The following HSPG2 variants were observed in gnomAD, a reference collection of about 807,000 sequenced individuals.
HSPG2 encodes heparan sulfate proteoglycan 2, also known as basement membrane-specific heparan sulfate proteoglycan core protein.
A neutral mutation model predicts 526.6 loss-of-function variants in HSPG2; 278 were observed. The ratio of observed to expected loss-of-function variants is 0.53; its 90% CI spans 0.48 to 0.58. The LOEUF is 0.58. Ranked by LOEUF, HSPG2 falls within the 20% of genes least tolerant of loss-of-function variation. HSPG2 has a pLI of 0.00. For missense variants in HSPG2, 5,354 were observed against 6,099.5 expected (o/e 0.88, Z 4.07); for synonymous variants, 2,465 against 2,555.4 (o/e 0.96, Z 1.07).
chr1:21,831,827 G>T (rs370921651), intron 81 of HSPG2, 31 bp from the exon 82 acceptor site: 12 of 1,575,396 alleles, frequency 7.6e-6, no homozygotes, highest in Non-Finnish European at 7.8e-6. Flanking sequence ...GGGCAGGAGA[G>T]AGTGGATAGG....
At chr1:21,844,110 G>T (rs1187299992) in intron 65 of HSPG2, 38 bp downstream of exon 65, 2 of 1,609,912 alleles carry the variant, frequency 1.2e-6, no homozygotes. Context: ...ACCACTGCAG[G>T]TGTGGAGGAT....
At chr1:21,878,547 C>T (rs373734274) in intron 19 of HSPG2, 30 bp downstream of exon 19, 4 of 1,613,946 alleles carry the variant, frequency 2.5e-6, no homozygotes, top group Non-Finnish European at 3.4e-6. Context: ...CAGGAGCCCC[C>T]TTCCTGCAGC....
intron 21 of HSPG2, 110 bp from the exon 22 acceptor site, chr1:21,876,762 T>C: frequency 2.7e-6 from 4 of 1,458,088 alleles, no homozygotes; most frequent in Non-Finnish European, 3.8e-6. Context: ...GGGGAGCCAC[T>C]GAAAGAGCAC....
intron 1 of HSPG2, among the ~76,000 whole-genome samples, chr1:21,916,065 GAA>G (rs1376890180): frequency 1.2e-5 from 1 of 81,632 alleles, no homozygotes; most frequent in South Asian, 4.4e-4. Context: ...AAGAAAAGAA[GAA>G]GAAGAAAAAA....
chr1:21,927,587 G>A (rs1644238540), intron 1 of HSPG2, among the ~76,000 whole-genome samples: 1 of 152,052 alleles, frequency 6.6e-6, no homozygotes, highest in Admixed American at 6.5e-5. Flanking sequence ...CTGCACCCAT[G>A]GGAGCCCCTG....
intron 1 of HSPG2, among the ~76,000 whole-genome samples, chr1:21,900,752 G>A (rs1425124276): frequency 6.6e-6 from 1 of 152,178 alleles, no homozygotes; most frequent in Non-Finnish European, 1.5e-5. Context: ...CAGCGCGGTG[G>A]TGCATGCCTA....
chr1:21,911,875 C>T (rs1643702094), intron 1 of HSPG2, among the ~76,000 whole-genome samples: 1 of 152,228 alleles, frequency 6.6e-6, no homozygotes, highest in Admixed American at 6.5e-5. Context: ...CCAGCCCACG[C>T]AGCTCTCTCT....
intron 80 of HSPG2, 91 bp from the exon 81 acceptor site, chr1:21,832,697 G>T: frequency 1.1e-6 from 1 of 921,370 alleles, no homozygotes; most frequent in Non-Finnish European, 1.8e-6. Flanking sequence ...TCTTGAGCCT[G>T]TCCACTCTCG....
chr1:21,930,055 C>T (rs1644308586), intron 1 of HSPG2, among the ~76,000 whole-genome samples: 1 of 152,148 alleles, frequency 6.6e-6, no homozygotes, highest in Admixed American at 6.5e-5. Flanking sequence ...CAAAGCTCTG[C>T]TGATCACCCT....
In HSPG2 at chr1:21,849,145, A is replaced by C. The variant is rs1638690368; in HGVS notation, c.7447-114T>G. ...AGCCCAGCCAGCTGGAACTCGATGG[A>C]AACTCTTCCAGGGAAAACCACCTTC... On this transcript the variant is annotated intron_variant, in intron 57 of 96. Transcript: ENST00000374695. 1.7e-5 allele frequency: 22 copies of C among 1,297,088 alleles called. No homozygotes were observed. The South Asian group carries it at 2.1e-4, about 12-fold the overall frequency. The allele number at this position is 1,297,088 out of a possible 1,614,324, so 80.3% of individuals were successfully genotyped here.
intron 96 of HSPG2, 47 bp from the exon 97 acceptor site, chr1:21,823,535 G>C: frequency 6.2e-7 from 1 of 1,608,978 alleles, no homozygotes; most frequent in East Asian, 2.2e-5. Context: ...AGCAGCCCAG[G>C]AGGCGAGGAA....
intron 1 of HSPG2, 126 bp from the exon 2 acceptor site, chr1:21,896,436 T>A: frequency 8.5e-7 from 1 of 1,182,038 alleles, no homozygotes; most frequent in Non-Finnish European, 1.2e-6. Context: ...AAATTTGACT[T>A]AGTATGGCTC....
Position 21,828,537 on chromosome 1 carries a change from C to A in HSPG2, c.12238-111G>T. On this transcript the variant is annotated intron_variant, in intron 88 of 96. Coordinates refer to ENST00000374695, the MANE Select transcript of HSPG2 (RefSeq NM_005529.7). This position sits in a 1 kb window ranked among gnomAD's most constrained non-coding sequence, Gnocchi z 6.0. Reference sequence around the variant, plus strand: ...GGGAGCTGGGAGCCCACATTGGGCCCTGAGTGGTAGCATGGATTCTCGGTG... The same window carrying A: ...GGGAGCTGGGAGCCCACATTGGGCCATGAGTGGTAGCATGGATTCTCGGTG... 1 of 1,179,146 alleles carries A rather than the reference C, an allele frequency of 8.5e-7. No individual in the cohort carries two copies. The highest frequency in any genetic ancestry group is 1.2e-6 in the Non-Finnish European group (1 of 818,400). The allele number at this position is 1,179,146 out of a possible 1,614,324, so 73.0% of individuals were successfully genotyped here.
At chr1:21,884,482 T>C (rs1201782409) in intron 13 of HSPG2, 46 bp downstream of exon 13, 16 of 1,609,856 alleles carry the variant, frequency 9.9e-6, no homozygotes, top group Non-Finnish European at 1.3e-5. Flanking sequence ...GGTACAGAGG[T>C]ACCCACCTCC....
rs1287800241 is a variant in HSPG2 at position 21,850,142 on chromosome 1, C to T, written c.7345G>A (p.Ala2449Thr). Residue 2449 changes from alanine to threonine, a missense_variant, in exon 57 of 97, where the codon GCC becomes ACC. Ala to Thr is a moderately conservative substitution (Grantham distance 58). Coordinates refer to ENST00000374695, the MANE Select transcript of HSPG2 (RefSeq NM_005529.7). ...TTCAGGTCCAGGGTCTGCCCCTCGG[C>T]CACTTGCGAAGACGATGACTCGATC... ...VRIESSSSQV[A>T]EGQTLDLNCL... is the part of the protein sequence containing the mutation. The T allele has an allele frequency of 6.2e-7, 1 of 1,613,404 alleles. No homozygotes were observed. Among genetic ancestry groups the T allele is most frequent in the South Asian group, 1.1e-5 (1 of 91,088 alleles).
rs755696363 is a variant in HSPG2, at chr1:21,823,445, G to A, written c.13047C>T (p.Ser4349=). ...DVATLTGGRF[S]SGITGCVKNL... ...TCTTGACACAGCCTGTGATGCCTGA[G>A]GAGAATCTGCCCCCGGTCAGCGTGG... is the stretch of plus-strand genomic sequence containing the variant. Residue 4349 remains serine, a synonymous_variant, in exon 97 of 97, where the codon TCC becomes TCT. Transcript: ENST00000374695. The A allele has an allele frequency of 1.9e-6, 3 of 1,593,580 alleles. No individual in the cohort carries two copies. The highest frequency in any genetic ancestry group is 1.7e-5 in the Admixed American group (1 of 58,506).
At position 21,864,184 on chromosome 1, in the gene HSPG2, C is replaced by A; in HGVS notation, c.4656G>T (p.Gly1552=). ...QDCAPGYTRT[G]SGLYLGHCEL... ...CGCAGTGGCCGAGGTAGAGCCCACT[C>A]CCGGTGCGCGTGTAGCCGGGGGCAC... The change falls in exon 37 of 97, where the codon GGG becomes GGT. Residue 1552 remains glycine (G), a synonymous_variant. Transcript: ENST00000374695. This position sits in a 1 kb window ranked among gnomAD's most constrained non-coding sequence, Gnocchi z 4.8. 1 of 1,553,820 alleles carries A rather than the reference C, an allele frequency of 6.4e-7. No homozygotes were observed. The highest frequency in any genetic ancestry group is 8.7e-7 in the Non-Finnish European group (1 of 1,148,564).
chr1:21,875,356 C>T, intron 25 of HSPG2: 1 of 603,148 alleles, frequency 1.7e-6, no homozygotes, highest in Non-Finnish European at 3.0e-6. Flanking sequence ...TAGACTTGAC[C>T]TGAAACCATA....
At position 21,879,045 on chromosome 1, in the gene HSPG2, G is replaced by A. The variant is rs1307282477; in HGVS notation, c.2420C>T (p.Thr807Met). 3.7e-6 allele frequency: 6 copies of A among 1,614,226 alleles called. No homozygotes were observed. The highest frequency in any genetic ancestry group is 3.3e-5 in the Admixed American group (2 of 60,036). The change falls in exon 18 of 97, where the codon ACG becomes ATG. Residue 807 changes from threonine to methionine, a missense_variant. Physicochemically the swap from Thr to Met is moderately conservative, Grantham distance 81. Transcript: ENST00000374695. ...AGGGCAGGGCCGGCAGGAAGTGGCC[G>A]TGGCCTTCATGGCGTCCCCAAAGAA... ...AGFFGDAMKA[T>M]ATSCRPCPCP...
Sources: allele counts gnomAD v4.1 joint callset (sites outside exome capture counted in the v4.1 genomes callset), GRCh38; gene constraint gnomAD v4.1.1; non-coding constraint Gnocchi (gnomAD v3.1); transcripts MANE v1.5; gene names NCBI Gene and HGNC (gene_info 2026-07-23, HGNC 2026-07-21).